The following TCF12 variants were observed in gnomAD, a reference collection of about 807,000 sequenced individuals.
TCF12 encodes the protein transcription factor 12, also known as DNA-binding protein HTF4.
In TCF12, 45 loss-of-function variants were observed where a neutral mutation model predicts 86.0. The ratio of observed to expected loss-of-function variants is 0.52; its 90% CI spans 0.41 to 0.67. The LOEUF (loss-of-function observed/expected upper bound fraction) is 0.67, where lower values mean the gene tolerates loss of function less well. TCF12 is among the 30% of genes least tolerant of loss of function. TCF12 has a pLI of 0.00. For synonymous variants in TCF12, 330 were observed against 299.6 expected (o/e 1.10, Z -1.05); for missense variants, 881 against 859.9 (o/e 1.02, Z -0.31).
chr15:57,056,339 A>G (rs2068026429), intron 3 of TCF12, among the ~76,000 whole-genome samples: 1 of 152,060 alleles, frequency 6.6e-6, no homozygotes, highest in African/African-American at 2.4e-5. Context: ...ATGGGGTGTC[A>G]GCATGTTGGT....
intron 12 of TCF12, 65 bp from the exon 13 acceptor site, chr15:57,243,407 G>C: frequency 7.2e-7 from 1 of 1,387,260 alleles, no homozygotes; most frequent in East Asian, 2.3e-5. Flanking sequence ...AACTCCATGT[G>C]AACGGATTTG....
rs957891677 is a variant in TCF12, at chr15:57,014,988, A to G, written c.149-48762A>G. On this transcript the variant is annotated intron_variant, in intron 3 of 20. Transcript: ENST00000333725. ...GTCTGAGGAGGAGATTATTATCAAC[A>G]GTTACAAGTGCCTTAAATAGTCCAG... Among the ~76,000 whole-genome samples, 3 of 151,826 alleles carry G rather than the reference A, an allele frequency of 2.0e-5. No homozygotes were observed. The South Asian group carries it at 6.2e-4, about 31-fold the overall frequency.
chr15:57,079,514 T>G (rs2070436121), intron 4 of TCF12, among the ~76,000 whole-genome samples: 1 of 152,226 alleles, frequency 6.6e-6, no homozygotes, highest in African/African-American at 2.4e-5. Flanking sequence ...TTTCATTTTT[T>G]ATAAATTCAC....
At chr15:56,977,241 T>A (rs577259910) in intron 3 of TCF12, among the ~76,000 whole-genome samples, 1 of 152,238 alleles carries the variant, frequency 6.6e-6, no homozygotes, top group African/African-American at 2.4e-5. Context: ...GTTTGTTTTT[T>A]TAAATAAAAG....
chr15:56,951,077 A>G (rs988186806), intron 3 of TCF12, among the ~76,000 whole-genome samples: 1 of 152,112 alleles, frequency 6.6e-6, no homozygotes, highest in African/African-American at 2.4e-5. Context: ...TCTTAATGCA[A>G]GTCTTTATGT....
intron 4 of TCF12, among the ~76,000 whole-genome samples, chr15:57,071,970 C>T (rs2151003116): frequency 6.6e-6 from 1 of 152,228 alleles, no homozygotes; most frequent in East Asian, 1.9e-4. Context: ...GGCAGGTTAA[C>T]ATTTCTGTAG....
Position 56,919,877 on chromosome 15 carries a change from T to C in TCF12, c.-22-15T>C. Reference sequence around the variant, plus strand: ...CCTCGGTGGTCTCTCGCTGAGCCCGTTTCCTCTGCCCTAGGACCTGCTAGA... The same window carrying C: ...CCTCGGTGGTCTCTCGCTGAGCCCGCTTCCTCTGCCCTAGGACCTGCTAGA... On this transcript the variant is annotated splice_polypyrimidine_tract_variant and intron_variant, in intron 1 of 20. Transcript: ENST00000333725. 1 of 1,612,148 alleles carries C rather than the reference T, an allele frequency of 6.2e-7. No homozygotes were observed. Among genetic ancestry groups the C allele is most frequent in the South Asian group, 1.1e-5 (1 of 90,960 alleles).
chr15:57,022,069 T>TG, intron 3 of TCF12, among the ~76,000 whole-genome samples: 1 of 152,278 alleles, frequency 6.6e-6, no homozygotes, highest in Admixed American at 6.5e-5. Context: ...TATGTATGTA[T>TG]GTATGTATGT....
intron 5 of TCF12, among the ~76,000 whole-genome samples, chr15:57,148,109 C>A (rs548928607): frequency 6.6e-6 from 1 of 151,956 alleles, no homozygotes; most frequent in Admixed American, 6.5e-5. Context: ...GTGTCAAACT[C>A]CTGGGCTCAA....
intron 6 of TCF12, among the ~76,000 whole-genome samples, chr15:57,170,733 ATATAATATATATTATATAT>A (rs2055369479): frequency 4.6e-4 from 1 of 2,156 alleles, no homozygotes; most frequent in African/African-American, 1.2e-3. Flanking sequence ...TATATATTAT[ATATAATATATATTATATAT>A]TATATATTAT....
At chr15:56,946,938 C>T (rs1251120020) in intron 3 of TCF12, among the ~76,000 whole-genome samples, 1 of 151,534 alleles carries the variant, frequency 6.6e-6, no homozygotes, top group Non-Finnish European at 1.5e-5. Flanking sequence ...GCTAGGATTA[C>T]AGGCGTATGC....
At chr15:56,922,586 A>G (rs1490969805) in intron 3 of TCF12, among the ~76,000 whole-genome samples, 1 of 152,028 alleles carries the variant, frequency 6.6e-6, no homozygotes, top group Non-Finnish European at 1.5e-5. Flanking sequence ...ATTTTTCTAC[A>G]TTGCGAATGG....
At chr15:57,194,593 T>C (rs1566896427) in intron 7 of TCF12, among the ~76,000 whole-genome samples, 1 of 152,192 alleles carries the variant, frequency 6.6e-6, no homozygotes, top group Non-Finnish European at 1.5e-5. Context: ...ACTATTTAGG[T>C]GCTTTAGGAA....
At chr15:56,986,508 T>C (rs2063185316) in intron 3 of TCF12, among the ~76,000 whole-genome samples, 1 of 152,162 alleles carries the variant, frequency 6.6e-6, no homozygotes, top group African/African-American at 2.4e-5. Context: ...AAAAATCTTT[T>C]AAGTCAAAAA....
At position 56,923,818 on chromosome 15, in the gene TCF12, T is replaced by C. The variant is rs1213693476; in HGVS notation, c.148+2720T>C. On this transcript the variant is annotated intron_variant, in intron 3 of 20. Coordinates refer to ENST00000333725, the MANE Select transcript of TCF12 (RefSeq NM_207037.2). ...TCATTTTGTAAGCCATCTGTAGATATTGAGCATCTCTCTGGTGTTTCTATC... is the reference window on the plus strand; with the variant it reads ...TCATTTTGTAAGCCATCTGTAGATACTGAGCATCTCTCTGGTGTTTCTATC... Among the ~76,000 whole-genome samples the C allele has an allele frequency of 3.3e-5, 5 of 152,116 alleles. No homozygotes were observed. In the East Asian group the frequency reaches 7.7e-4, roughly 23 times the overall value.
intron 3 of TCF12, among the ~76,000 whole-genome samples, chr15:56,936,928 T>C (rs565022521): frequency 1.3e-5 from 2 of 152,352 alleles, no homozygotes; most frequent in East Asian, 3.9e-4. Flanking sequence ...TTGATCTTTT[T>C]GCTCAGTCTT....
At chr15:57,015,317 G>T in intron 3 of TCF12, among the ~76,000 whole-genome samples, 1 of 152,124 alleles carries the variant, frequency 6.6e-6, no homozygotes, top group Non-Finnish European at 1.5e-5. Context: ...AAATTCAGAT[G>T]CTTTAAATTT....
At chr15:57,239,364 A>C (rs187849830) in intron 12 of TCF12, among the ~76,000 whole-genome samples, 2 of 151,922 alleles carry the variant, frequency 1.3e-5, no homozygotes, top group East Asian at 3.9e-4. Context: ...AAAAACAAAG[A>C]GGAAGAAAAA....
intron 3 of TCF12, among the ~76,000 whole-genome samples, chr15:56,952,876 C>T (rs1284981966): frequency 1.3e-5 from 2 of 152,086 alleles, no homozygotes; most frequent in Non-Finnish European, 2.9e-5. Context: ...ATTGTACTTT[C>T]CAGAAACTCC....
Sources: allele counts gnomAD v4.1 joint callset (sites outside exome capture counted in the v4.1 genomes callset), GRCh38; gene constraint gnomAD v4.1.1; transcripts MANE v1.5; gene names NCBI Gene and HGNC (gene_info 2026-07-23, HGNC 2026-07-21).